Variants in MSRB3 observed in about 807,000 individuals in gnomAD.
The protein encoded by MSRB3 is methionine-R-sulfoxide reductase B3.
MSRB3 carries 13 observed loss-of-function variants against 21.0 expected under a neutral mutation model. The ratio of observed to expected loss-of-function variants is 0.62; its 90% CI spans 0.40 to 0.98. The LOEUF is 0.98. MSRB3 is among the 50% of genes least tolerant of loss of function. The pLI, the probability that MSRB3 is intolerant of heterozygous loss-of-function variation, is 0.00. For missense variants in MSRB3, 199 were observed against 230.3 expected (o/e 0.86, Z 0.88); for synonymous variants, 87 against 88.6 (o/e 0.98, Z 0.10).
chr12:65,374,067 CAT>C (rs1878466007), intron 5 of MSRB3, among the ~76,000 whole-genome samples: 1 of 152,168 alleles, frequency 6.6e-6, no homozygotes, highest in Non-Finnish European at 1.5e-5. Flanking sequence ...ATTTGCCTAA[CAT>C]AGTAAACTTT....
intron 5 of MSRB3, chr12:65,418,970 A>G (rs372998486): frequency 2.8e-6 from 2 of 707,218 alleles, no homozygotes; most frequent in Non-Finnish European, 5.1e-6. Flanking sequence ...GTCTGTGTCA[A>G]CTCCAACTCC....
At chr12:65,278,994 G>A in intron 1 of MSRB3, 129 bp downstream of exon 1, 1 of 1,487,928 alleles carries the variant, frequency 6.7e-7, no homozygotes, top group Non-Finnish European at 9.0e-7. Flanking sequence ...CACCTGCGGG[G>A]ACAGCCCCTG....
intron 2 of MSRB3, among the ~76,000 whole-genome samples, chr12:65,321,733 A>G (rs1192623873): frequency 2.0e-5 from 3 of 152,206 alleles, no homozygotes; most frequent in African/African-American, 7.2e-5. Flanking sequence ...CCAAATGGCC[A>G]ATTATTTAGA....
chr12:65,457,868 A>G (rs2136710672), intron 6 of MSRB3, among the ~76,000 whole-genome samples: 1 of 152,076 alleles, frequency 6.6e-6, no homozygotes, highest in Non-Finnish European at 1.5e-5. Flanking sequence ...TTTTATTATT[A>G]TTATTATTAT....
At chr12:65,363,814 C>T (rs1249480248) in intron 4 of MSRB3, among the ~76,000 whole-genome samples, 2 of 151,932 alleles carry the variant, frequency 1.3e-5, no homozygotes, top group Non-Finnish European at 2.9e-5. Flanking sequence ...GGTGAAACCC[C>T]GTCTCTACTA....
chr12:65,302,457 T>C lies in MSRB3; in HGVS notation c.-51-6072T>C, dbSNP rs543568182. On this transcript the variant is annotated intron_variant, in intron 1 of 6. Coordinates refer to ENST00000308259, the MANE Select transcript of MSRB3 (RefSeq NM_001031679.3). The stretch of plus-strand genomic sequence containing the variant: ...CACTTAATGTTCCCACTTAAGCTAA[T>C]GTTTTTTAACAGCACAGACTATGTC... Among the ~76,000 whole-genome samples, 5 of 152,312 alleles carry C rather than the reference T, an allele frequency of 3.3e-5. No individual in the cohort carries two copies. In the South Asian group the frequency reaches 1.0e-3, roughly 32 times the overall value.
intron 6 of MSRB3, among the ~76,000 whole-genome samples, chr12:65,460,033 G>C (rs1883252726): frequency 6.6e-6 from 1 of 152,020 alleles, no homozygotes; most frequent in African/African-American, 2.4e-5. Flanking sequence ...AGTATATTCA[G>C]GTACATTTAC....
intron 5 of MSRB3, among the ~76,000 whole-genome samples, chr12:65,386,874 T>G (rs1249212850): frequency 2.6e-5 from 4 of 152,086 alleles, no homozygotes; most frequent in African/African-American, 9.6e-5. Flanking sequence ...ACTTTGTTTT[T>G]GTAGTTTACA....
At chr12:65,444,393 T>C (rs1882520642) in intron 5 of MSRB3, among the ~76,000 whole-genome samples, 1 of 152,216 alleles carries the variant, frequency 6.6e-6, no homozygotes, top group Non-Finnish European at 1.5e-5. Context: ...TCTTGTAGTC[T>C]TTCTTCAAAT....
At chr12:65,436,092 G>A (rs1334523561) in intron 5 of MSRB3, among the ~76,000 whole-genome samples, 15 of 151,704 alleles carry the variant, frequency 9.9e-5, no homozygotes, top group African/African-American at 2.4e-5. Flanking sequence ...TTTAGATAAG[G>A]AGTTCTTAAC....
intron 1 of MSRB3, among the ~76,000 whole-genome samples, chr12:65,302,031 AG>A (rs1174795801): frequency 6.6e-6 from 1 of 152,130 alleles, no homozygotes; most frequent in Non-Finnish European, 1.5e-5. Flanking sequence ...TTAAGCTTTC[AG>A]GTTAAAATAA....
intron 5 of MSRB3, among the ~76,000 whole-genome samples, chr12:65,400,265 T>G (rs1260426470): frequency 6.6e-6 from 1 of 151,928 alleles, no homozygotes; most frequent in East Asian, 1.9e-4. Flanking sequence ...GGTAGGCTAT[T>G]AATTATTGCC....
intron 4 of MSRB3, among the ~76,000 whole-genome samples, chr12:65,347,227 T>C (rs1036540482): frequency 1.3e-5 from 2 of 152,222 alleles, no homozygotes; most frequent in Admixed American, 6.5e-5. Context: ...GCATGGAATG[T>C]TCTTCCATTT....
chr12:65,284,725 G>A (rs1312886898), intron 1 of MSRB3: 1 of 152,214 alleles, frequency 6.6e-6, no homozygotes, highest in East Asian at 1.9e-4. Context: ...ATAGAGAAGA[G>A]AGAATTTGAT....
At chr12:65,456,896 G>A (rs1352601611) in intron 6 of MSRB3, among the ~76,000 whole-genome samples, 12 of 152,144 alleles carry the variant, frequency 7.9e-5, no homozygotes, top group Admixed American at 7.2e-4. Flanking sequence ...ACAGCGTACT[G>A]AATTCAAGTG....
intron 5 of MSRB3, among the ~76,000 whole-genome samples, chr12:65,383,517 T>A (rs1454223089): frequency 6.6e-6 from 1 of 152,128 alleles, no homozygotes; most frequent in East Asian, 1.9e-4. Context: ...TGCCATTAAT[T>A]TAAGTGTTGA....
chr12:65,373,662 C>T (rs1311129989), intron 5 of MSRB3, among the ~76,000 whole-genome samples: 1 of 151,858 alleles, frequency 6.6e-6, no homozygotes, highest in Non-Finnish European at 1.5e-5. Context: ...TTCATGAAAG[C>T]GAATTATGGA....
intron 5 of MSRB3, among the ~76,000 whole-genome samples, chr12:65,445,499 AC>A (rs1882571919): frequency 6.6e-6 from 1 of 150,652 alleles, no homozygotes; most frequent in Non-Finnish European, 1.5e-5. Context: ...AAGCAGGATA[AC>A]TGGTAACCAA....
intron 4 of MSRB3, among the ~76,000 whole-genome samples, chr12:65,330,611 C>T (rs371624069): frequency 1.3e-5 from 2 of 152,076 alleles, no homozygotes; most frequent in African/African-American, 4.8e-5. Context: ...TCATGACCAC[C>T]CTTCTCCCAC....
Sources: allele counts gnomAD v4.1 joint callset (sites outside exome capture counted in the v4.1 genomes callset), GRCh38; gene constraint gnomAD v4.1.1; transcripts MANE v1.5; gene names NCBI Gene and HGNC (gene_info 2026-07-23, HGNC 2026-07-21).